Variants in RBBP8 observed in about 807,000 individuals in gnomAD.
The protein encoded by RBBP8 is RB binding protein 8, endonuclease.
Under a neutral mutation model 108.3 loss-of-function variants are expected in RBBP8, and 88 were observed. That is an observed-to-expected ratio of 0.81 (90% CI 0.68 to 0.97). The LOEUF is 0.97. Among genes scored for constraint, RBBP8 ranks in the 50% least tolerant of loss-of-function variants. RBBP8 has a pLI of 0.00. For missense variants in RBBP8, 1,023 were observed against 1,049.0 expected (o/e 0.98, Z 0.34); for synonymous variants, 332 against 348.2 (o/e 0.95, Z 0.52).
In RBBP8 at chr18:22,993,425, C is replaced by T. The variant is rs1245273912; in HGVS notation, c.1598C>T (p.Ser533Phe). 6.2e-7 allele frequency: 1 copy of T among 1,614,124 alleles called. No individual in the cohort carries two copies. The highest frequency in any genetic ancestry group is 1.7e-5 in the Admixed American group (1 of 60,002). ...EALKTIPKGF[S>F]SSRKASDGNC... is the part of the protein sequence containing the mutation. ...TTGAAGACCATTCCAAAGGGCTTTT[C>T]CTCAAGCCGTAAGGCCTCAGATGGC... is the stretch of plus-strand genomic sequence containing the variant. Residue 533 changes from serine to phenylalanine, a missense_variant, in exon 11 of 19, where the codon TCC becomes TTC. Physicochemically the swap from Ser to Phe is radical, Grantham distance 155 (BLOSUM62 -2). Transcript: ENST00000327155.
rs11875633 is a variant in RBBP8 at position 23,006,704 on chromosome 18, G to A, written c.2357+272G>A. 8.4e-3 allele frequency among the ~76,000 whole-genome samples: 1,279 copies of A among 152,050 alleles called. 21 individuals carry two copies. Among genetic ancestry groups the A allele is most frequent in the African/African-American group, 0.03 (1,232 of 41,468 alleles). On this transcript the variant is annotated intron_variant, in intron 16 of 18. Coordinates refer to ENST00000327155, the MANE Select transcript of RBBP8 (RefSeq NM_002894.3). Reference sequence around the variant, plus strand: ...TTTTGTAGAGACAGGGTTTCACCACGTTGCCAAGGCTAATCTTGAACTCCT... The same window carrying A: ...TTTTGTAGAGACAGGGTTTCACCACATTGCCAAGGCTAATCTTGAACTCCT...
At chr18:22,988,120 C>T (rs1915454191) in intron 8 of RBBP8, among the ~76,000 whole-genome samples, 1 of 152,190 alleles carries the variant, frequency 6.6e-6, no homozygotes, top group Admixed American at 6.5e-5. Context: ...CCCTATTATA[C>T]TAGTTTAGGC....
chr18:22,943,606 A>G (rs1911287196), intron 2 of RBBP8, among the ~76,000 whole-genome samples: 1 of 152,174 alleles, frequency 6.6e-6, no homozygotes, highest in Non-Finnish European at 1.5e-5. Context: ...AATTTAAATA[A>G]TTTGTTAGGC....
intron 4 of RBBP8, among the ~76,000 whole-genome samples, chr18:22,958,606 C>T (rs1332734850): frequency 1.3e-5 from 2 of 152,136 alleles, no homozygotes; most frequent in Non-Finnish European, 2.9e-5. Flanking sequence ...AGTGCAGTGG[C>T]GCGACCTTGG....
intron 3 of RBBP8, among the ~76,000 whole-genome samples, chr18:22,947,793 T>G (rs1377382976): frequency 6.6e-6 from 1 of 152,104 alleles, no homozygotes; most frequent in African/African-American, 2.4e-5. Flanking sequence ...GTTAAATTAT[T>G]TCTGCAATTA....
At position 22,993,382 on chromosome 18, in the gene RBBP8, G is replaced by A. The variant is rs1291367534; in HGVS notation, c.1555G>A (p.Val519Met). The A allele has an allele frequency of 1.2e-6, 2 of 1,614,100 alleles. No homozygotes were observed. Among genetic ancestry groups the A allele is most frequent in the African/African-American group, 1.3e-5 (1 of 74,944 alleles). ...SETSKNKFRQ[V>M]TLYEALKTIP... is the part of the protein sequence containing the mutation. ...GACTTCTAAAAACAAATTTAGGCAA[G>A]TGACTCTTTATGAGGCTTTGAAGAC... Residue 519 changes from valine (V) to methionine (M), a missense_variant, in exon 11 of 19, where the codon GTG (valine) becomes ATG (methionine). By Grantham distance (21) the Val-to-Met change is conservative. Transcript: ENST00000327155.
chr18:22,961,907 T>A (rs1422919635), intron 4 of RBBP8, among the ~76,000 whole-genome samples: 1 of 152,210 alleles, frequency 6.6e-6, no homozygotes, highest in Admixed American at 6.5e-5. Context: ...TAAATCTGCT[T>A]AGGTGGTTTT....
chr18:22,997,368 T>A (rs906812936), intron 13 of RBBP8, among the ~76,000 whole-genome samples: 10 of 152,202 alleles, frequency 6.6e-5, no homozygotes, highest in South Asian at 2.1e-4. Flanking sequence ...TGTTTAGTGG[T>A]AAATAATTCT....
intron 17 of RBBP8, among the ~76,000 whole-genome samples, chr18:23,020,284 G>A (rs2046327311): frequency 6.6e-6 from 1 of 151,886 alleles, no homozygotes; most frequent in South Asian, 2.1e-4. Context: ...AGCTGAGCGT[G>A]GTGGTGCATG....
rs374735599 is a variant in RBBP8 at position 22,997,690 on chromosome 18, T to C, written c.2099T>C (p.Leu700Pro). The change falls in exon 14 of 19, where the codon CTC becomes CCC. Residue 700 changes from leucine to proline, a missense_variant. Coordinates refer to ENST00000327155, the MANE Select transcript of RBBP8 (RefSeq NM_002894.3). ...TGTACATTGGTTAGTGAAACCGTTC[T>C]CTTAAAAATGAAGAAGCAAGAGCAG... is the stretch of plus-strand genomic sequence containing the variant. The part of the protein sequence containing the change: ...MDCTLVSETV[L>P]LKMKKQEQKG... 5.5e-5 allele frequency: 89 copies of C among 1,609,152 alleles called. 1 individual carries two copies. Among genetic ancestry groups the C allele is most frequent in the Non-Finnish European group, 7.5e-5 (88 of 1,177,080 alleles).
At chr18:22,956,598 C>T (rs1029070468) in intron 4 of RBBP8, among the ~76,000 whole-genome samples, 2 of 152,092 alleles carry the variant, frequency 1.3e-5, no homozygotes, top group Admixed American at 6.5e-5. Context: ...TGGCCTTCCA[C>T]GGTATTGGGA....
intron 15 of RBBP8, among the ~76,000 whole-genome samples, chr18:23,002,227 G>T (rs2045960709): frequency 6.6e-6 from 1 of 151,984 alleles, no homozygotes; most frequent in South Asian, 2.1e-4. Context: ...GACCAGCCTG[G>T]GCAATGTGAT....
chr18:22,932,439 G>A (rs1910096220), upstream of RBBP8, among the ~76,000 whole-genome samples: 1 of 152,154 alleles, frequency 6.6e-6, no homozygotes, highest in South Asian at 2.1e-4. Flanking sequence ...AGAAGGTTTA[G>A]CACCCCTCTT....
intron 14 of RBBP8, among the ~76,000 whole-genome samples, chr18:22,998,285 A>G (rs2045893583): frequency 6.6e-6 from 1 of 152,240 alleles, no homozygotes; most frequent in Non-Finnish European, 1.5e-5. Context: ...GTATAGTTTT[A>G]CAGGTTAACA....
At position 22,957,291 on chromosome 18, in the gene RBBP8, C is replaced by CTTTT. The variant is rs11418623; in HGVS notation, c.248+7595_248+7598dup. On this transcript the variant is annotated intron_variant, in intron 4 of 18. Coordinates refer to ENST00000327155, the MANE Select transcript of RBBP8 (RefSeq NM_002894.3). The stretch of plus-strand genomic sequence containing the variant: ...TTATACTTTGTTGTAATTACTTTTT[C>CTTTT]TTTTTTTTTTTTTTTTTTTTGCCTG... Among the ~76,000 whole-genome samples the CTTTT allele has an allele frequency of 4.0e-4, 37 of 92,864 alleles. 1 individual carries two copies. The highest frequency in any genetic ancestry group is 7.8e-4 in the South Asian group (2 of 2,576). 60.9% of individuals were successfully genotyped at this position (92,864 alleles called of 152,430 possible). A position where few individuals can be genotyped will look rare whatever the true frequency, so the allele number is the denominator to read the frequency against.
chr18:23,022,651 T>TAAAATAAAAAAA (rs370599195), intron 18 of RBBP8, among the ~76,000 whole-genome samples: 4 of 84,376 alleles, frequency 4.7e-5, no homozygotes, highest in Non-Finnish European at 9.0e-5. Context: ...TAAAATACAA[T>TAAAATAAAAAAA]ATAAAATAAA....
chr18:23,018,730 C>T (rs2046303130), intron 17 of RBBP8, among the ~76,000 whole-genome samples: 1 of 152,104 alleles, frequency 6.6e-6, no homozygotes, highest in Non-Finnish European at 1.5e-5. Flanking sequence ...TATTTTTGAT[C>T]CACGGCTGGT....
At chr18:22,994,797 C>G (rs899382623) in intron 12 of RBBP8, among the ~76,000 whole-genome samples, 4 of 152,078 alleles carry the variant, frequency 2.6e-5, no homozygotes, top group African/African-American at 9.6e-5. Context: ...GATCACGGCT[C>G]ACTTGCAGCC....
intron 5 of RBBP8, among the ~76,000 whole-genome samples, chr18:22,973,797 A>T (rs1033529403): frequency 1.3e-5 from 2 of 152,072 alleles, no homozygotes; most frequent in Non-Finnish European, 2.9e-5. Flanking sequence ...TTTTTGATGA[A>T]TGCCTTCCTG....
Sources: allele counts gnomAD v4.1 joint callset (sites outside exome capture counted in the v4.1 genomes callset), GRCh38; gene constraint gnomAD v4.1.1; transcripts MANE v1.5; gene names NCBI Gene and HGNC (gene_info 2026-07-23, HGNC 2026-07-21).